SLC1A3: variants seen among roughly 807,000 people sequenced by gnomAD.
The protein encoded by SLC1A3 is solute carrier family 1 member 3.
Under a neutral mutation model 48.1 loss-of-function variants are expected in SLC1A3, and 21 were observed. The ratio of observed to expected loss-of-function variants is 0.44; its 90% CI spans 0.31 to 0.63. The LOEUF (loss-of-function observed/expected upper bound fraction) is 0.63. SLC1A3 is among the 20% of genes least tolerant of loss of function. The pLI, the probability that SLC1A3 is intolerant of heterozygous loss-of-function variation, is 0.08. For synonymous variants in SLC1A3, 239 were observed against 251.4 expected (o/e 0.95, Z 0.47); for missense variants, 546 against 689.0 (o/e 0.79, Z 2.32).
intron 3 of SLC1A3, among the ~76,000 whole-genome samples, chr5:36,650,308 T>C (rs1741010162): frequency 1.3e-5 from 2 of 152,242 alleles, no homozygotes; most frequent in African/African-American, 4.8e-5. Flanking sequence ...TTTCTCCCCT[T>C]AAATATAATC....
chr5:36,673,780 T>C (rs922913973), intron 4 of SLC1A3, among the ~76,000 whole-genome samples: 5 of 152,170 alleles, frequency 3.3e-5, no homozygotes, highest in African/African-American at 2.4e-5. Context: ...AGCAGGGTTT[T>C]TAATAATATA....
In SLC1A3 at chr5:36,641,548, A is replaced by G. The variant is rs190838819; in HGVS notation, c.319+11961A>G. Among the ~76,000 whole-genome samples, 40 of 152,290 alleles carry G rather than the reference A, an allele frequency of 2.6e-4. No homozygotes were observed. The East Asian group carries it at 3.7e-3, about 14-fold the overall frequency. On this transcript the variant is annotated intron_variant, in intron 3 of 9. Transcript: ENST00000265113. ...AAAAATCCCTATTATCAGCATACCTAAACTACACACTAAATATTTAAGAAA... is the reference window on the plus strand; with the variant it reads ...AAAAATCCCTATTATCAGCATACCTGAACTACACACTAAATATTTAAGAAA...
In SLC1A3 at chr5:36,671,235, T is replaced by C; in HGVS notation, c.524+2T>C. ...AGATGCCTTCCTGGACTTGATCAGG[T>C]ATGTCCTTGCAAGCCCGTCCTTTGG... On this transcript the variant is annotated splice_donor_variant, in intron 4 of 9. Transcript: ENST00000265113. LOFTEE classifies it high-confidence loss of function. 1 of 1,608,560 alleles carries C rather than the reference T, an allele frequency of 6.2e-7. No homozygotes were observed. The highest frequency in any genetic ancestry group is 8.5e-7 in the Non-Finnish European group (1 of 1,175,246).
At chr5:36,685,817 G>C (rs565600252) in intron 9 of SLC1A3, among the ~76,000 whole-genome samples, 69 of 152,320 alleles carry the variant, frequency 4.5e-4, no homozygotes, top group African/African-American at 1.6e-3. Context: ...TAAAGAGAAG[G>C]CTCGTTCCCC....
rs574421571 is a variant in SLC1A3, at chr5:36,654,767, C to T, written c.320-16262C>T. ...TGTTAATTCATTCAGTATTGAGGCC[C>T]TCCAGTTAGCTGTGCTAGGTGCCTA... is the stretch of plus-strand genomic sequence containing the variant. On this transcript the variant is annotated intron_variant, in intron 3 of 9. Transcript: ENST00000265113. Among the ~76,000 whole-genome samples the T allele has an allele frequency of 5.3e-5, 8 of 152,292 alleles. No homozygotes were observed. The South Asian group carries it at 1.7e-3, about 32-fold the overall frequency.
At chr5:36,600,848 C>A (rs1432763066) in intron 1 of SLC1A3, among the ~76,000 whole-genome samples, 12 of 152,192 alleles carry the variant, frequency 7.9e-5, no homozygotes. Context: ...TTTATTCTAA[C>A]CTTACCCCCA....
intron 3 of SLC1A3, among the ~76,000 whole-genome samples, chr5:36,634,016 C>A (rs1206874424): frequency 2.0e-5 from 3 of 152,192 alleles, no homozygotes; most frequent in Non-Finnish European, 4.4e-5. Flanking sequence ...TGGCTCATGC[C>A]TGTAATCCCA....
chr5:36,664,270 A>G (rs112346338), intron 3 of SLC1A3, among the ~76,000 whole-genome samples: 25,165 of 152,114 alleles, frequency 0.17, 2,402 homozygotes, highest in Middle Eastern at 0.32. Context: ...ACTAGCTGGG[A>G]TTACAGGCGT....
chr5:36,642,075 GA>G (rs1252513008), intron 3 of SLC1A3, among the ~76,000 whole-genome samples: 2 of 152,174 alleles, frequency 1.3e-5, no homozygotes, highest in Non-Finnish European at 1.5e-5. Flanking sequence ...AAAATTGAGA[GA>G]ATTCAATCTA....
At position 36,688,051 on chromosome 5, in the gene SLC1A3, C is replaced by A. The variant is rs1178047322; in HGVS notation, c.*1782C>A. On this transcript the variant is annotated 3_prime_UTR_variant, in exon 10 of 10. Transcript: ENST00000265113. ...TAACATTAGGCTGTGGTGCAGTAAC[C>A]ATTTAATGTCGAGGCTCTATTTCGG... The A allele has an allele frequency of 6.6e-6, 1 of 152,186 alleles. No homozygotes were observed. Among genetic ancestry groups the A allele is most frequent in the Admixed American group, 6.5e-5 (1 of 15,280 alleles). 9.4% of individuals were successfully genotyped at this position (152,186 alleles called of 1,614,324 possible).
At chr5:36,617,974 C>T (rs1739514845) in intron 2 of SLC1A3, among the ~76,000 whole-genome samples, 1 of 146,546 alleles carries the variant, frequency 6.8e-6, no homozygotes. Context: ...AATTTGTAGT[C>T]ATTTGCTACA....
At position 36,649,961 on chromosome 5, in the gene SLC1A3, G is replaced by A. The variant is rs531034304; in HGVS notation, c.319+20374G>A. 2.4e-3 allele frequency among the ~76,000 whole-genome samples: 359 copies of A among 152,196 alleles called. 1 individual carries two copies. The highest frequency in any genetic ancestry group is 4.4e-3 in the Non-Finnish European group (296 of 68,020). ...TTCCAAAAACAATTAATTATAATAC[G>A]TTCCATCATGGATTACTTTAGTGCA... On this transcript the variant is annotated intron_variant, in intron 3 of 9. Coordinates refer to ENST00000265113, the MANE Select transcript of SLC1A3 (RefSeq NM_004172.5).
intron 3 of SLC1A3, among the ~76,000 whole-genome samples, chr5:36,659,455 A>G (rs1164162270): frequency 6.6e-6 from 1 of 152,240 alleles, no homozygotes; most frequent in Non-Finnish European, 1.5e-5. Context: ...CACTGTCATC[A>G]TGCCACATAT....
At chr5:36,617,529 C>T (rs1739492501) in intron 2 of SLC1A3, among the ~76,000 whole-genome samples, 1 of 148,488 alleles carries the variant, frequency 6.7e-6, no homozygotes, top group South Asian at 2.1e-4. Flanking sequence ...ATCTTATTGA[C>T]CCCTGTCCCC....
At position 36,673,906 on chromosome 5, in the gene SLC1A3, A is replaced by G. The variant is rs1002185083; in HGVS notation, c.525-143A>G. ...TAGGGAGGACCATATATTCTTTTCAAGCTGTAAAATCCACTAACATTTTTG... is the reference window on the plus strand; with the variant it reads ...TAGGGAGGACCATATATTCTTTTCAGGCTGTAAAATCCACTAACATTTTTG... On this transcript the variant is annotated intron_variant, in intron 4 of 9. Transcript: ENST00000265113. 67 of 718,150 alleles carry G rather than the reference A, an allele frequency of 9.3e-5. No homozygotes were observed. In the African/African-American group the frequency reaches 1.1e-3, roughly 11 times the overall value. 44.5% of individuals were successfully genotyped at this position (718,150 alleles called of 1,614,324 possible).
intron 3 of SLC1A3, among the ~76,000 whole-genome samples, chr5:36,662,145 C>T (rs957508189): frequency 5.3e-5 from 8 of 152,178 alleles, no homozygotes; most frequent in African/African-American, 1.9e-4. Flanking sequence ...TTGCTGCTCT[C>T]CCCAGGCTCT....
upstream of SLC1A3, among the ~76,000 whole-genome samples, chr5:36,603,589 C>T (rs1042860558): frequency 6.6e-6 from 1 of 152,142 alleles, no homozygotes; most frequent in African/African-American, 2.4e-5. Context: ...AACCAGACTT[C>T]ACCACAGGTT....
intron 2 of SLC1A3, among the ~76,000 whole-genome samples, chr5:36,628,766 C>T (rs868206728): frequency 3.3e-5 from 5 of 152,236 alleles, no homozygotes; most frequent in Middle Eastern, 3.4e-3. Context: ...GGGAAAATTG[C>T]GTTCTCTTTC....
chr5:36,636,682 G>A (rs1262575383), intron 3 of SLC1A3, among the ~76,000 whole-genome samples: 2 of 150,264 alleles, frequency 1.3e-5, no homozygotes, highest in East Asian at 2.0e-4. Flanking sequence ...CAGAGGTGGG[G>A]CCCTGTGAAA....
Sources: gnomAD v4.1 joint callset for allele counts (sites outside exome capture counted in the v4.1 genomes callset) on GRCh38, gnomAD v4.1.1 for gene constraint, MANE v1.5 for transcripts, NCBI Gene and HGNC (gene_info 2026-07-23, HGNC 2026-07-21) for gene names.